Variants in DPP6 observed in about 807,000 individuals in gnomAD.
DPP6 encodes dipeptidyl peptidase like 6.
A neutral mutation model predicts 122.6 loss-of-function variants in DPP6; 69 were observed. The observed-to-expected ratio is 0.56, with a 90% CI of 0.46 to 0.69. DPP6 has a LOEUF of 0.69. Ranked by LOEUF, DPP6 falls within the 30% of genes least tolerant of loss-of-function variation. The pLI is 0.00. For synonymous variants in DPP6, 418 were observed against 433.1 expected, an observed-to-expected ratio of 0.97 and a Z score of 0.43; for missense variants, 928 against 1,116.9, an observed-to-expected ratio of 0.83 and a Z score of 2.41.
intron 1 of DPP6, among the ~76,000 whole-genome samples, chr7:153,976,846 G>T (rs1201804680): frequency 6.6e-6 from 1 of 152,176 alleles, no homozygotes; most frequent in East Asian, 1.9e-4. Flanking sequence ...TGAAGAGATG[G>T]AAGGGACATC....
chr7:154,314,809 A>G (rs1366552955), intron 1 of DPP6, among the ~76,000 whole-genome samples: 1 of 152,246 alleles, frequency 6.6e-6, no homozygotes, highest in Non-Finnish European at 1.5e-5. Context: ...TAATATGCCA[A>G]GAAGATTAAC....
intron 1 of DPP6, among the ~76,000 whole-genome samples, chr7:154,425,669 G>A (rs1817858448): frequency 6.6e-6 from 1 of 150,898 alleles, no homozygotes; most frequent in African/African-American, 2.4e-5. Flanking sequence ...CTGAGATGGA[G>A]TCTCATTCTG....
intron 1 of DPP6, among the ~76,000 whole-genome samples, chr7:153,905,264 C>G (rs78477947): frequency 6.6e-6 from 1 of 151,942 alleles, no homozygotes; most frequent in African/African-American, 2.4e-5. Context: ...GGATCTGGTT[C>G]GTATGATTAT....
intron 1 of DPP6, among the ~76,000 whole-genome samples, chr7:154,066,447 G>T (rs1585302320): frequency 6.6e-6 from 1 of 152,332 alleles, no homozygotes; most frequent in Admixed American, 6.5e-5. Flanking sequence ...CCTGGAGCCA[G>T]GTTAACACGC....
chr7:154,457,835 G>T (rs1262362647), intron 2 of DPP6, among the ~76,000 whole-genome samples: 1 of 21,954 alleles, frequency 4.6e-5, no homozygotes, highest in African/African-American at 1.5e-4. Context: ...GGTCGGGGGA[G>T]GGGGGAGGGA....
intron 1 of DPP6, among the ~76,000 whole-genome samples, chr7:153,979,333 T>G (rs1351607409): frequency 6.6e-6 from 1 of 152,260 alleles, no homozygotes; most frequent in Non-Finnish European, 1.5e-5. Context: ...ACTCATGATT[T>G]GGCTCTCTGT....
At chr7:154,431,682 A>G (rs1346709672) in intron 1 of DPP6, among the ~76,000 whole-genome samples, 2 of 151,424 alleles carry the variant, frequency 1.3e-5, no homozygotes, top group African/African-American at 2.4e-5. Context: ...TGACAGGTGC[A>G]TGCCACCACG....
chr7:153,920,461 G>A (rs1800579236), intron 1 of DPP6, among the ~76,000 whole-genome samples: 1 of 152,046 alleles, frequency 6.6e-6, no homozygotes, highest in Non-Finnish European at 1.5e-5. Flanking sequence ...AGCGAGAAAG[G>A]TTGCTGGAGG....
chr7:154,485,339 A>T (rs769035688), intron 3 of DPP6, among the ~76,000 whole-genome samples: 9 of 152,234 alleles, frequency 5.9e-5, no homozygotes, highest in Admixed American at 2.6e-4. Context: ...TATGGTTTAC[A>T]TTGGTGTAAA....
chr7:153,804,117 T>C, the DPP6 span, among the ~76,000 whole-genome samples: 1 of 151,772 alleles, frequency 6.6e-6, no homozygotes, highest in African/African-American at 2.4e-5. Context: ...TGGTGTGATC[T>C]CGACTCGCTG....
intron 16 of DPP6, among the ~76,000 whole-genome samples, chr7:154,812,423 A>C (rs551842829): frequency 1.3e-5 from 2 of 152,286 alleles, no homozygotes; most frequent in South Asian, 4.1e-4. Context: ...GTGGCTTATA[A>C]ACAACAGAAA....
At chr7:153,797,849 T>G in the DPP6 span, among the ~76,000 whole-genome samples, 1 of 152,142 alleles carries the variant, frequency 6.6e-6, no homozygotes, top group Non-Finnish European at 1.5e-5. Flanking sequence ...CTTCTTTTTT[T>G]TCTTCCTTTT....
chr7:154,086,641 T>C (rs918711352), intron 1 of DPP6, among the ~76,000 whole-genome samples: 5 of 145,114 alleles, frequency 3.4e-5, no homozygotes, highest in Admixed American at 1.4e-4. Context: ...TTTTTTGAGA[T>C]GGAGTCTCGC....
At chr7:153,924,919 G>A (rs895337360) in intron 1 of DPP6, among the ~76,000 whole-genome samples, 13 of 152,168 alleles carry the variant, frequency 8.5e-5, no homozygotes, top group African/African-American at 2.2e-4. Context: ...AGCTTGTTGC[G>A]CAGCAGTCAA....
intron 2 of DPP6, among the ~76,000 whole-genome samples, chr7:154,448,621 C>T (rs1489212853): frequency 2.0e-5 from 3 of 152,094 alleles, no homozygotes; most frequent in African/African-American, 7.2e-5. Flanking sequence ...ATAGTCAAAA[C>T]AATCTCAAAA....
rs71182854 is a variant in DPP6 at position 153,928,396 on chromosome 7, A to ATTTTTTTTTTTTTTTTTTTTTT, written c.51+40666_51+40687dup. 2.1e-3 allele frequency among the ~76,000 whole-genome samples: 91 copies of ATTTTTTTTTTTTTTTTTTTTTT among 43,686 alleles called. 16 individuals carry two copies. Among genetic ancestry groups the ATTTTTTTTTTTTTTTTTTTTTT allele is most frequent in the East Asian group, 2.5e-3 (4 of 1,592 alleles). The allele number at this position is 43,686 out of a possible 152,430, so 28.7% of individuals were successfully genotyped here. On this transcript the variant is annotated intron_variant, in intron 1 of 25. Transcript: ENST00000404039. ...CTGGCTAATTTTTTTCTTTTCTTTC[A>ATTTTTTTTTTTTTTTTTTTTTT]TTTTTTTTTTTTTTTTTTTTTTTTT...
In DPP6 at chr7:154,755,884, C is replaced by T. The variant is rs576169914; in HGVS notation, c.884-13533C>T. On this transcript the variant is annotated intron_variant, in intron 8 of 25. Transcript: ENST00000377770. The surrounding 1 kb of genome is among the most constrained non-coding windows in gnomAD (Gnocchi z 4.7). Reference sequence around the variant, plus strand: ...TCATCGTGTGTCTTGGGTCCCCCTTCGTAATGATACTGTCCTCACCACGTC... The same window carrying T: ...TCATCGTGTGTCTTGGGTCCCCCTTTGTAATGATACTGTCCTCACCACGTC... Among the ~76,000 whole-genome samples the T allele has an allele frequency of 2.3e-4, 35 of 152,236 alleles. No homozygotes were observed. The East Asian group carries it at 6.2e-3, about 27-fold the overall frequency.
Position 154,665,011 on chromosome 7 carries a change from C to T in DPP6, c.681-4349C>T, listed in dbSNP as rs866772394. On this transcript the variant is annotated intron_variant, in intron 6 of 25. Coordinates refer to ENST00000377770, the MANE Select transcript of DPP6 (RefSeq NM_130797.4). Reference sequence around the variant, plus strand: ...AATTTTCTACCTGTGTCCCAGGACCCCATGCTGCCTTTAGATGTTCTTTCT... The same window carrying T: ...AATTTTCTACCTGTGTCCCAGGACCTCATGCTGCCTTTAGATGTTCTTTCT... Among the ~76,000 whole-genome samples, 11 of 152,258 alleles carry T rather than the reference C, an allele frequency of 7.2e-5. 2 individuals are homozygous for T. The Middle Eastern group carries it at 0.017, about 235-fold the overall frequency.
At chr7:154,114,775 A>AC (rs1380212214) in intron 1 of DPP6, among the ~76,000 whole-genome samples, 1 of 152,210 alleles carries the variant, frequency 6.6e-6, no homozygotes, top group African/African-American at 2.4e-5. Context: ...TCCAACCTGC[A>AC]CCCAGGAGGC....
Sources: gnomAD v4.1 joint callset for allele counts (sites outside exome capture counted in the v4.1 genomes callset) on GRCh38, gnomAD v4.1.1 for gene constraint, Gnocchi (gnomAD v3.1) non-coding constraint, MANE v1.5 for transcripts, NCBI Gene and HGNC (gene_info 2026-07-23, HGNC 2026-07-21) for gene names.